ALPK1: variants seen among roughly 807,000 people sequenced by gnomAD.
ALPK1 encodes the protein alpha kinase 1, also known as alpha-protein kinase 1.
ALPK1 carries 110 observed loss-of-function variants against 120.6 expected under a neutral mutation model. The ratio of observed to expected loss-of-function variants is 0.91; its 90% CI spans 0.78 to 1.07. The LOEUF (loss-of-function observed/expected upper bound fraction) is 1.07. ALPK1 is among the 50% of genes least tolerant of loss of function. The probability of loss-of-function intolerance (pLI) is 0.00; values close to 1 mark genes in which losing one functional copy is unlikely to be tolerated. For synonymous variants in ALPK1, 582 were observed against 560.3 expected (o/e 1.04, Z -0.55); for missense variants, 1,498 against 1,483.9 (o/e 1.01, Z -0.16).
Position 112,304,915 on chromosome 4 carries a change from T to A in ALPK1, c.-153+7446T>A, listed in dbSNP as rs180848960. Among the ~76,000 whole-genome samples the A allele has an allele frequency of 3.0e-3, 457 of 152,252 alleles. 1 individual carries two copies. Among genetic ancestry groups the A allele is most frequent in the Non-Finnish European group, 5.3e-3 (363 of 68,026 alleles). On this transcript the variant is annotated intron_variant, in intron 1 of 15. Transcript: ENST00000650871. ...GTTTAAGTCTTTAATCCATCTTGAA[T>A]TAATTTTTGTGTAAGGTGTAAGGAA...
Position 112,431,491 on chromosome 4 carries a change from C to G in ALPK1, c.1944C>G (p.Leu648=), listed in dbSNP as rs144596104. The G allele has an allele frequency of 6.8e-6, 11 of 1,614,070 alleles. No homozygotes were observed. Among genetic ancestry groups the G allele is most frequent in the Non-Finnish European group, 9.3e-6 (11 of 1,180,032 alleles). ...MHSLHSQLHD[L]SLQEPNNDNL... ...CATTGCATTCACAGCTTCATGATCT[C>G]TCTCTTCAGGAACCCAACAATGACA... Residue 648 remains leucine (L), a synonymous_variant, in exon 11 of 16, where the codon CTC becomes CTG. Coordinates refer to ENST00000650871, the MANE Select transcript of ALPK1 (RefSeq NM_025144.4).
At chr4:112,392,931 A>G (rs1272624044) in intron 4 of ALPK1, among the ~76,000 whole-genome samples, 1 of 152,222 alleles carries the variant, frequency 6.6e-6, no homozygotes, top group East Asian at 1.9e-4. Context: ...TTAAAAACAA[A>G]CAAACAAACG....
intron 14 of ALPK1, 76 bp from the exon 15 acceptor site, chr4:112,440,841 G>GTA (rs1735006330): frequency 1.3e-6 from 2 of 1,527,046 alleles, no homozygotes; most frequent in Non-Finnish European, 1.7e-6. Context: ...GTGTGTGTGT[G>GTA]TGTATGTATT....
intron 2 of ALPK1, among the ~76,000 whole-genome samples, chr4:112,334,430 C>A: frequency 1.9e-5 from 2 of 107,566 alleles, no homozygotes; most frequent in African/African-American, 3.4e-5. Context: ...AAGACTCTGC[C>A]TCAAAAAAAA....
chr4:112,359,758 A>T, intron 2 of ALPK1: 2 of 399,036 alleles, frequency 5.0e-6, no homozygotes, highest in South Asian at 2.0e-5. Context: ...GACGTGCCCA[A>T]CCTGCACACT....
chr4:112,381,544 C>G (rs1460596498), intron 3 of ALPK1, among the ~76,000 whole-genome samples: 1 of 152,156 alleles, frequency 6.6e-6, no homozygotes, highest in Non-Finnish European at 1.5e-5. Context: ...CTTCAGAATT[C>G]AGAATTTTTC....
At chr4:112,370,048 A>C (rs1731332544) in intron 2 of ALPK1, among the ~76,000 whole-genome samples, 1 of 152,184 alleles carries the variant, frequency 6.6e-6, no homozygotes, top group African/African-American at 2.4e-5. Context: ...GAGTCATTTT[A>C]TTTTCCTTGA....
At chr4:112,365,817 C>T (rs1408542914) in intron 2 of ALPK1, among the ~76,000 whole-genome samples, 1 of 152,128 alleles carries the variant, frequency 6.6e-6, no homozygotes, top group Non-Finnish European at 1.5e-5. Flanking sequence ...TACTATAAGG[C>T]CATAGTCACC....
At chr4:112,357,771 G>A in intron 2 of ALPK1, 3 of 1,093,628 alleles carry the variant, frequency 2.7e-6, no homozygotes, top group Admixed American at 3.4e-5. Flanking sequence ...TCGCCCGCAT[G>A]GTGCCCTATG....
At chr4:112,308,664 G>C (rs1215759751) in intron 1 of ALPK1, among the ~76,000 whole-genome samples, 3 of 152,086 alleles carry the variant, frequency 2.0e-5, no homozygotes, top group African/African-American at 7.2e-5. Flanking sequence ...CTTTTTTCAA[G>C]GTTTTTAGCT....
In ALPK1 at chr4:112,438,909, C is replaced by T. The variant is rs115223500; in HGVS notation, c.3351+263C>T. ...GATTGCTAAGTCAAAGCTTACACAC[C>T]TTCAGCAAGAAAAAATAATTGTTCT... On this transcript the variant is annotated intron_variant, in intron 13 of 15. Coordinates refer to ENST00000650871, the MANE Select transcript of ALPK1 (RefSeq NM_025144.4). Among the ~76,000 whole-genome samples, 330 of 152,252 alleles carry T rather than the reference C, an allele frequency of 2.2e-3. 1 individual carries two copies. Among genetic ancestry groups the T allele is most frequent in the Non-Finnish European group, 3.4e-3 (229 of 67,998 alleles).
intron 4 of ALPK1, among the ~76,000 whole-genome samples, chr4:112,395,393 C>A (rs1004176166): frequency 6.6e-6 from 1 of 152,168 alleles, no homozygotes; most frequent in Admixed American, 6.5e-5. Context: ...TCAGTACTTT[C>A]TTTTATTGGA....
At chr4:112,335,879 G>A (rs1029504359) in intron 2 of ALPK1, among the ~76,000 whole-genome samples, 7 of 152,072 alleles carry the variant, frequency 4.6e-5, no homozygotes, top group Admixed American at 2.0e-4. Flanking sequence ...CATCCCTTGC[G>A]TTCTTGGGAT....
chr4:112,365,619 T>C (rs1731109333), intron 2 of ALPK1, among the ~76,000 whole-genome samples: 1 of 151,988 alleles, frequency 6.6e-6, no homozygotes, highest in Admixed American at 6.6e-5. Context: ...ATTGTGAAAA[T>C]GACCATACTG....
At chr4:112,412,595 T>A in intron 5 of ALPK1, 1 of 313,448 alleles carries the variant, frequency 3.2e-6, no homozygotes. Flanking sequence ...AGATGTGGTG[T>A]GGAAGAGGGC....
At chr4:112,400,236 G>C (rs1417620784) in intron 4 of ALPK1, among the ~76,000 whole-genome samples, 1 of 152,174 alleles carries the variant, frequency 6.6e-6, no homozygotes, top group African/African-American at 2.4e-5. Context: ...TGATGCAGAA[G>C]AGAAGGGAGA....
At chr4:112,302,513 C>G (rs927023141) in intron 1 of ALPK1, 21 of 152,472 alleles carry the variant, frequency 1.4e-4, no homozygotes, top group Non-Finnish European at 1.8e-4. Context: ...CTTCCTCCCC[C>G]TCCCCTGCCC....
intron 4 of ALPK1, among the ~76,000 whole-genome samples, chr4:112,397,498 TG>T (rs1395899999): frequency 1.3e-5 from 2 of 152,222 alleles, no homozygotes; most frequent in Non-Finnish European, 2.9e-5. Context: ...AATATTTCCA[TG>T]GGCACTGTAT....
At chr4:112,419,339 G>A (rs1733885339) in intron 5 of ALPK1, among the ~76,000 whole-genome samples, 1 of 152,048 alleles carries the variant, frequency 6.6e-6, no homozygotes, top group African/African-American at 2.4e-5. Flanking sequence ...GCCAACAATT[G>A]CATTAGGCCT....
Sources: gnomAD v4.1 joint callset for allele counts (sites outside exome capture counted in the v4.1 genomes callset) on GRCh38, gnomAD v4.1.1 for gene constraint, MANE v1.5 for transcripts, NCBI Gene and HGNC (gene_info 2026-07-23, HGNC 2026-07-21) for gene names.